SORT1: variants seen among roughly 807,000 people sequenced by gnomAD.
SORT1 encodes sortilin 1.
SORT1 carries 39 observed loss-of-function variants against 101.7 expected under a neutral mutation model. The ratio of observed to expected loss-of-function variants is 0.38; its 90% CI spans 0.30 to 0.50. The LOEUF (loss-of-function observed/expected upper bound fraction) is 0.50, where lower values mean the gene tolerates loss of function less well. Ranked by LOEUF, SORT1 falls within the 20% of genes least tolerant of loss-of-function variation. The pLI is 0.90. For missense variants in SORT1, 878 were observed against 1,040.4 expected, an observed-to-expected ratio of 0.84 and a Z score of 2.15; for synonymous variants, 396 against 393.7, an observed-to-expected ratio of 1.01 and a Z score of -0.07.
chr1:109,392,948 A>C, intron 1 of SORT1: 1 of 985,424 alleles, frequency 1.0e-6, no homozygotes. Context: ...TGGGGGTGCT[A>C]GGGAAGGTAG....
In SORT1 at chr1:109,340,813, C is replaced by T. The variant is rs551934919; in HGVS notation, c.1175G>A (p.Arg392Gln). 5.6e-6 allele frequency: 9 copies of T among 1,613,654 alleles called. No individual in the cohort carries two copies. The Admixed American group carries it at 6.7e-5, about 12-fold the overall frequency. ...TCCGCCTGTGGTAGTGTAGAGATGTCGGTCCAAAGACTTGGAATAGACAAT... is the reference window on the plus strand; with the variant it reads ...TCCGCCTGTGGTAGTGTAGAGATGTTGGTCCAAAGACTTGGAATAGACAAT... ...RGIVYSKSLDRHLYTTTGGET... is the reference protein window; with the variant it reads ...RGIVYSKSLDQHLYTTTGGET... Residue 392 changes from arginine to glutamine, a missense_variant, in exon 10 of 20, where the codon CGA becomes CAA. Physicochemically the swap from Arg to Gln is conservative, Grantham distance 43. Transcript: ENST00000256637.
At position 109,318,155 on chromosome 1, in the gene SORT1, C is replaced by CT. The variant is rs368333953; in HGVS notation, c.2025-187dup. Reference sequence around the variant, plus strand: ...TTAGGAAAACAGACACGGAGAGGGCCTTTTTTTTTTTTTTTTGAGATGGAG... The same window carrying CT: ...TTAGGAAAACAGACACGGAGAGGGCCTTTTTTTTTTTTTTTTTGAGATGGAG... On this transcript the variant is annotated intron_variant, in intron 15 of 19. Coordinates refer to ENST00000256637, the MANE Select transcript of SORT1 (RefSeq NM_002959.7). 5.4e-3 allele frequency among the ~76,000 whole-genome samples: 743 copies of CT among 136,606 alleles called. 5 individuals are homozygous for CT. The highest frequency in any genetic ancestry group is 0.033 in the East Asian group (157 of 4,778). 89.6% of individuals were successfully genotyped at this position (136,606 alleles called of 152,430 possible).
In SORT1 at chr1:109,317,985, A is replaced by G; in HGVS notation, c.2025-16T>C. ...GCCAAAATCACTGCAAGAGTCAGCA[A>G]ATAAAGTACCTTTCAAAGCAGCTGG... On this transcript the variant is annotated splice_polypyrimidine_tract_variant and intron_variant, in intron 15 of 19. Coordinates refer to ENST00000256637, the MANE Select transcript of SORT1 (RefSeq NM_002959.7). The G allele has an allele frequency of 6.6e-7, 1 of 1,520,692 alleles. No individual in the cohort carries two copies. Among genetic ancestry groups the G allele is most frequent in the Non-Finnish European group, 9.1e-7 (1 of 1,095,102 alleles). The allele number at this position is 1,520,692 out of a possible 1,614,324, so 94.2% of individuals were successfully genotyped here.
rs1327387890 is a variant in SORT1 at position 109,354,356 on chromosome 1, A to G, written c.708+11T>C. The G allele has an allele frequency of 2.5e-6, 4 of 1,607,954 alleles. No individual in the cohort carries two copies. Among genetic ancestry groups the G allele is most frequent in the African/African-American group, 1.3e-5 (1 of 74,782 alleles). On this transcript the variant is annotated intron_variant, in intron 5 of 19. Coordinates refer to ENST00000256637, the MANE Select transcript of SORT1 (RefSeq NM_002959.7). ...TGCAAAAGGCAAACCATGTTCCTCA[A>G]CTGGACTTACTTCAGTGCTGAGAGC...
chr1:109,325,330 T>A (rs2101546685), intron 13 of SORT1, among the ~76,000 whole-genome samples: 1 of 147,854 alleles, frequency 6.8e-6, no homozygotes, highest in South Asian at 2.2e-4. Flanking sequence ...CTCTGCCTCC[T>A]GGGTTCAAGT....
chr1:109,337,010 C>T (rs1648879910), intron 10 of SORT1, among the ~76,000 whole-genome samples: 1 of 152,134 alleles, frequency 6.6e-6, no homozygotes, highest in Non-Finnish European at 1.5e-5. Flanking sequence ...GCATCCTAAT[C>T]TTTATTCGGA....
chr1:109,397,787 G>C lies in SORT1; in HGVS notation c.106C>G (p.Arg36Gly). The C allele has an allele frequency of 8.0e-7, 1 of 1,243,586 alleles. No homozygotes were observed. Among genetic ancestry groups the C allele is most frequent in the Non-Finnish European group, 1.0e-6 (1 of 988,226 alleles). 77.0% of individuals were successfully genotyped at this position (1,243,586 alleles called of 1,614,324 possible). Residue 36 changes from arginine (R) to glycine (G), a missense_variant, in exon 1 of 20, where the codon CGG becomes GGG. Coordinates refer to ENST00000256637, the MANE Select transcript of SORT1 (RefSeq NM_002959.7). ...GCGGGCGGCGGCGGCGCGTCCAGCC[G>C]GTCCTGGCTGAGGGTCGACGGCGGC... ...LLPPSTLSQD[R>G]LDAPPPPAAP...
chr1:109,370,650 GGAT>G (rs1444045800), intron 1 of SORT1, among the ~76,000 whole-genome samples: 1 of 151,998 alleles, frequency 6.6e-6, no homozygotes, highest in African/African-American at 2.4e-5. Context: ...TAATAAATGT[GGAT>G]GATTATGCTT....
At chr1:109,368,969 A>G (rs1256589735) in intron 2 of SORT1, among the ~76,000 whole-genome samples, 1 of 152,194 alleles carries the variant, frequency 6.6e-6, no homozygotes, top group Non-Finnish European at 1.5e-5. Context: ...CTTGATGCTA[A>G]GCAGCCACCA....
At chr1:109,316,547 T>G (rs978015359) in intron 17 of SORT1, among the ~76,000 whole-genome samples, 16 of 152,164 alleles carry the variant, frequency 1.1e-4, no homozygotes, top group Non-Finnish European at 2.2e-4. Context: ...ACAACCTTTT[T>G]GTTTTCCTAA....
intron 1 of SORT1, among the ~76,000 whole-genome samples, chr1:109,383,401 A>G (rs1652382234): frequency 6.6e-6 from 1 of 152,248 alleles, no homozygotes; most frequent in South Asian, 2.1e-4. Flanking sequence ...CAGGCATCTT[A>G]TGTACAGAAA....
At chr1:109,327,263 C>A in intron 12 of SORT1, 103 bp from the exon 13 acceptor site, 1 of 1,067,008 alleles carries the variant, frequency 9.4e-7, no homozygotes. Flanking sequence ...GATTATTTCC[C>A]ATCAAGCCTC....
At chr1:109,314,214 ATTTTTTGGG>A (rs774039530) in intron 19 of SORT1, 38 bp downstream of exon 19, 14 of 1,188,266 alleles carry the variant, frequency 1.2e-5, no homozygotes, top group Non-Finnish European at 1.6e-5. Flanking sequence ...ATTTTCTTGT[ATTTTTTGGG>A]GGGGGGGGTA....
At chr1:109,319,944 A>C (rs1024694358) in intron 15 of SORT1, among the ~76,000 whole-genome samples, 7 of 151,772 alleles carry the variant, frequency 4.6e-5, no homozygotes, top group South Asian at 2.1e-4. Flanking sequence ...AATTCAGTGG[A>C]GCCCTCTCGG....
chr1:109,397,406 C>T (rs916832150), intron 1 of SORT1, 181 bp downstream of exon 1: 2 of 195,552 alleles, frequency 1.0e-5, no homozygotes, highest in Non-Finnish European at 1.9e-5. Flanking sequence ...AAACACAGCC[C>T]CGCCGGCCGC....
chr1:109,395,942 T>C (rs1160358784), intron 1 of SORT1, among the ~76,000 whole-genome samples: 1 of 151,682 alleles, frequency 6.6e-6, no homozygotes, highest in African/African-American at 2.4e-5. Flanking sequence ...AAAGAACAAT[T>C]AGCTGGGTGC....
intron 7 of SORT1, among the ~76,000 whole-genome samples, chr1:109,347,249 T>C (rs1363949359): frequency 6.6e-6 from 1 of 152,240 alleles, no homozygotes; most frequent in Non-Finnish European, 1.5e-5. Flanking sequence ...TTTACATAAA[T>C]ACATTGCTAA....
Position 109,347,599 on chromosome 1 carries a change from T to C in SORT1, c.783-67A>G, listed in dbSNP as rs541799775. On this transcript the variant is annotated intron_variant, in intron 6 of 19. Transcript: ENST00000256637. Reference sequence around the variant, plus strand: ...TGCTGAAGGACTGTGTTGACCTTACTCACAAACTTCCTAGCAGGTCTAACA... The same window carrying C: ...TGCTGAAGGACTGTGTTGACCTTACCCACAAACTTCCTAGCAGGTCTAACA... 1.1e-5 allele frequency: 12 copies of C among 1,116,510 alleles called. No homozygotes were observed. The East Asian group carries it at 2.9e-4, about 27-fold the overall frequency. 69.2% of individuals were successfully genotyped at this position (1,116,510 alleles called of 1,614,324 possible).
intron 11 of SORT1, 35 bp downstream of exon 11, chr1:109,336,205 G>T (rs377575471): frequency 7.8e-7 from 1 of 1,283,794 alleles, no homozygotes; most frequent in African/African-American, 1.5e-5. Flanking sequence ...CAATGGAAAG[G>T]CTGCTGTGCT....
Sources: gnomAD v4.1 joint callset for allele counts (sites outside exome capture counted in the v4.1 genomes callset) on GRCh38, gnomAD v4.1.1 for gene constraint, MANE v1.5 for transcripts, NCBI Gene and HGNC (gene_info 2026-07-23, HGNC 2026-07-21) for gene names.